Variants in MARCHF10 observed in about 807,000 individuals in gnomAD.
The protein encoded by MARCHF10 is membrane associated ring-CH-type finger 10, also known as probable E3 ubiquitin-protein ligase MARCHF10.
MARCHF10 carries 64 observed loss-of-function variants against 76.2 expected under a neutral mutation model. That is an observed-to-expected ratio of 0.84 (90% CI 0.69 to 1.03). The LOEUF is 1.03. MARCHF10 is among the 50% of genes least tolerant of loss of function. The pLI, the probability that MARCHF10 is intolerant of heterozygous loss-of-function variation, is 0.00. For missense variants in MARCHF10, 875 were observed against 958.0 expected, an observed-to-expected ratio of 0.91 and a Z score of 1.14; for synonymous variants, 340 against 357.5, an observed-to-expected ratio of 0.95 and a Z score of 0.55.
chr17:62,798,320 G>A (rs191403611), intron 2 of MARCHF10, among the ~76,000 whole-genome samples: 133 of 151,928 alleles, frequency 8.8e-4, no homozygotes, highest in African/African-American at 3.1e-3. Flanking sequence ...TCAAGAGAGT[G>A]TGATGTCAGA....
At position 62,803,439 on chromosome 17, in the gene MARCHF10, A is replaced by G. The variant is rs79193313; in HGVS notation, c.-17-1687T>C. Among the ~76,000 whole-genome samples the G allele has an allele frequency of 6.9e-3, 1,050 of 152,344 alleles. 8 individuals are homozygous for G. The highest frequency in any genetic ancestry group is 0.011 in the Non-Finnish European group (744 of 68,030). On this transcript the variant is annotated intron_variant, in intron 1 of 10. Coordinates refer to ENST00000311269, the MANE Select transcript of MARCHF10 (RefSeq NM_152598.4). ...GTAATCTAGATGTGATAAGATGGCA[A>G]CCAGCATCGGGTAGCAACAGTGGAG...
At chr17:62,704,961 T>TTTTTTTTTA in intron 10 of MARCHF10, 12 of 925,252 alleles carry the variant, frequency 1.3e-5, no homozygotes, top group Non-Finnish European at 1.5e-5. Context: ...TTTTTTTTTT[T>TTTTTTTTTA]AATGGAAAAA....
chr17:62,704,961 T>TA (rs143988068), intron 10 of MARCHF10: 215,780 of 904,260 alleles, frequency 0.24, 18,533 homozygotes, highest in Admixed American at 0.3. Flanking sequence ...TTTTTTTTTT[T>TA]AATGGAAAAA....
chr17:62,764,427 A>G (rs903141460), intron 3 of MARCHF10, among the ~76,000 whole-genome samples: 1 of 152,246 alleles, frequency 6.6e-6, no homozygotes, highest in Non-Finnish European at 1.5e-5. Flanking sequence ...TGCAGGGCAC[A>G]GCTTGCTGTG....
At chr17:62,727,292 A>G (rs565393242) in intron 6 of MARCHF10, among the ~76,000 whole-genome samples, 1 of 152,340 alleles carries the variant, frequency 6.6e-6, no homozygotes, top group South Asian at 2.1e-4. Flanking sequence ...TTTAACAAAT[A>G]AAAGTGAAGA....
At position 62,712,809 on chromosome 17, in the gene MARCHF10, ATC is replaced by A. The variant is rs1350310877; in HGVS notation, c.2215-1467_2215-1466del. ...GCCCAGGCTGGAGTGCAATGGCGTG[ATC>A]TCGGCTCACTGCAACCTCCACCTCC... On this transcript the variant is annotated intron_variant, in intron 8 of 10. Coordinates refer to ENST00000311269, the MANE Select transcript of MARCHF10 (RefSeq NM_152598.4). The surrounding 1 kb of genome is among the most constrained non-coding windows in gnomAD (Gnocchi z 4.2). Among the ~76,000 whole-genome samples, 2 of 152,098 alleles carry A rather than the reference ATC, an allele frequency of 1.3e-5. No individual in the cohort carries two copies. The highest frequency in any genetic ancestry group is 2.9e-5 in the Non-Finnish European group (2 of 68,022).
At chr17:62,801,499 G>A (rs2093072604) in intron 2 of MARCHF10, 147 bp downstream of exon 2, 1 of 527,418 alleles carries the variant, frequency 1.9e-6, no homozygotes, top group Non-Finnish European at 3.4e-6. Context: ...ACAGAGAGGT[G>A]AAGTGGCTTT....
At chr17:62,803,893 T>G (rs1220861709) in intron 1 of MARCHF10, among the ~76,000 whole-genome samples, 2 of 152,096 alleles carry the variant, frequency 1.3e-5, no homozygotes, top group Admixed American at 1.3e-4. Context: ...CATTCAATCT[T>G]CTCAACAACG....
chr17:62,731,638 C>T (rs1319749011), intron 6 of MARCHF10, among the ~76,000 whole-genome samples: 2 of 152,168 alleles, frequency 1.3e-5, no homozygotes, highest in Non-Finnish European at 2.9e-5. Context: ...AAAGAGGACC[C>T]TCATAAGGGG....
chr17:62,732,411 A>G (rs1008114682), intron 6 of MARCHF10, among the ~76,000 whole-genome samples: 10 of 152,176 alleles, frequency 6.6e-5, no homozygotes, highest in African/African-American at 2.4e-4. Context: ...CAGAATAGAG[A>G]GCCCTGAAAC....
intron 4 of MARCHF10, among the ~76,000 whole-genome samples, chr17:62,758,226 C>G (rs889287351): frequency 4.6e-5 from 7 of 152,094 alleles, no homozygotes; most frequent in African/African-American, 1.7e-4. Context: ...ATGGTGAAAC[C>G]CTGTCTCTAC....
At position 62,735,923 on chromosome 17, in the gene MARCHF10, GT is replaced by G; in HGVS notation, c.1937+7del. On this transcript the variant is annotated splice_region_variant and intron_variant, in intron 6 of 10. Coordinates refer to ENST00000311269, the MANE Select transcript of MARCHF10 (RefSeq NM_152598.4). ...TGGAAAAAATATATAATTATGAAAA[GT>G]CCTCACCTTTCTTGCAATTTCTTGA... 1 of 1,591,660 alleles carries G rather than the reference GT, an allele frequency of 6.3e-7. No homozygotes were observed. Among genetic ancestry groups the G allele is most frequent in the Admixed American group, 1.9e-5 (1 of 52,264 alleles).
intron 6 of MARCHF10, among the ~76,000 whole-genome samples, chr17:62,734,205 T>C (rs1362216223): frequency 6.6e-6 from 1 of 151,024 alleles, no homozygotes; most frequent in Non-Finnish European, 1.5e-5. Context: ...AAAAAACATA[T>C]AAACATATGG....
At chr17:62,756,345 C>T (rs1599241014) in intron 4 of MARCHF10, among the ~76,000 whole-genome samples, 1 of 152,184 alleles carries the variant, frequency 6.6e-6, no homozygotes, top group East Asian at 1.9e-4. Context: ...ACTTGGGAGG[C>T]CGGGGTCAGA....
At chr17:62,773,880 G>A (rs763517967) in intron 3 of MARCHF10, among the ~76,000 whole-genome samples, 1 of 152,242 alleles carries the variant, frequency 6.6e-6, no homozygotes, top group Non-Finnish European at 1.5e-5. Flanking sequence ...TTTGAAAGTT[G>A]AGTGACTTTT....
chr17:62,779,595 G>GA (rs2092618886), intron 3 of MARCHF10, among the ~76,000 whole-genome samples: 2 of 152,354 alleles, frequency 1.3e-5, no homozygotes, highest in South Asian at 4.1e-4. Flanking sequence ...ACGGACAGCT[G>GA]AGTCACCCGA....
intron 6 of MARCHF10, 70 bp downstream of exon 6, chr17:62,735,857 GCTCT>G: frequency 1.4e-6 from 2 of 1,390,988 alleles, no homozygotes; most frequent in South Asian, 2.6e-5. Flanking sequence ...AATTCCCATG[GCTCT>G]CTAACGAAAG....
At position 62,738,037 on chromosome 17, in the gene MARCHF10, C is replaced by T; in HGVS notation, c.536-705G>A. On this transcript the variant is annotated intron_variant, in intron 5 of 10. Coordinates refer to ENST00000311269, the MANE Select transcript of MARCHF10 (RefSeq NM_152598.4). This position sits in a 1 kb window ranked among gnomAD's most constrained non-coding sequence, Gnocchi z 4.0. ...ACTGAACTGGCCAGAAGCATGCTAA[C>T]TGTCTCTCTCTGTCTCTCTCTGTCA... 1 of 138,260 alleles carries T rather than the reference C, an allele frequency of 7.2e-6. No homozygotes were observed. Among genetic ancestry groups the T allele is most frequent in the Non-Finnish European group, 1.5e-5 (1 of 65,898 alleles). The allele number at this position is 138,260 out of a possible 1,614,324, so 8.6% of individuals were successfully genotyped here.
chr17:62,705,276 C>A, intron 10 of MARCHF10: 2 of 1,415,016 alleles, frequency 1.4e-6, no homozygotes, highest in South Asian at 1.5e-5. Context: ...TTATCTCATG[C>A]CGGAAGATAA....
Sources: allele counts gnomAD v4.1 joint callset (sites outside exome capture counted in the v4.1 genomes callset), GRCh38; gene constraint gnomAD v4.1.1; non-coding constraint Gnocchi (gnomAD v3.1); transcripts MANE v1.5; gene names NCBI Gene and HGNC (gene_info 2026-07-23, HGNC 2026-07-21).